The following CADM2 variants were observed in gnomAD, a reference collection of about 807,000 sequenced individuals.
CADM2 encodes the protein immunoglobulin superfamily member 4D.
A neutral mutation model predicts 49.8 loss-of-function variants in CADM2; 12 were observed. The observed-to-expected ratio is 0.24, with a 90% confidence interval of 0.15 to 0.39. The LOEUF (loss-of-function observed/expected upper bound fraction) is 0.39. Among genes scored for constraint, CADM2 ranks in the 10% least tolerant of loss-of-function variants. The pLI is 1.00. For synonymous variants in CADM2, 214 were observed against 175.4 expected (o/e 1.22, Z -1.74); for missense variants, 378 against 492.3 (o/e 0.77, Z 2.20).
chr3:85,255,077 T>A (rs2107871584), intron 1 of CADM2, among the ~76,000 whole-genome samples: 1 of 152,242 alleles, frequency 6.6e-6, no homozygotes, highest in East Asian at 1.9e-4. Flanking sequence ...TTCTAAAATA[T>A]CATTTGCATA....
chr3:85,886,312 G>T lies in CADM2; in HGVS notation c.514G>T (p.Asp172Tyr). 1 of 1,611,418 alleles carries T rather than the reference G, an allele frequency of 6.2e-7. No individual in the cohort carries two copies. The change falls in exon 5 of 10, where the codon GAC becomes TAC. Residue 172 changes from aspartate to tyrosine, a missense_variant. By Grantham distance (160) the Asp-to-Tyr change is radical. Coordinates refer to ENST00000383699, the MANE Select transcript of CADM2 (RefSeq NM_001167675.2). ...AGCTGATATAAGATGGTTCAAAAATGACAAAGAGATTAAAGGTAAAGAATA... is the reference window on the plus strand; with the variant it reads ...AGCTGATATAAGATGGTTCAAAAATTACAAAGAGATTAAAGGTAAAGAATA... The part of the protein sequence containing the change: ...PAADIRWFKN[D>Y]KEIKDVKYLK...
Position 85,749,622 on chromosome 3 carries a change from A to G in CADM2, c.88+23074A>G, listed in dbSNP as rs1235463930. 2.6e-5 allele frequency among the ~76,000 whole-genome samples: 4 copies of G among 152,056 alleles called. No homozygotes were observed. In the East Asian group the frequency reaches 7.7e-4, roughly 29 times the overall value. On this transcript the variant is annotated intron_variant, in intron 2 of 9. Transcript: ENST00000383699. ...GCTGACAGAGAAATCTCTACAGCAA[A>G]CTATAGACAAGTTTTGTGTATTTGT...
At chr3:86,050,761 T>C (rs112457269) in intron 8 of CADM2, among the ~76,000 whole-genome samples, 220 of 152,208 alleles carry the variant, frequency 1.4e-3, no homozygotes, top group African/African-American at 5.2e-3. Flanking sequence ...TGAGTCACAA[T>C]TAGAGGTGGA....
At chr3:85,491,587 T>C (rs2107647472) in intron 1 of CADM2, among the ~76,000 whole-genome samples, 1 of 152,264 alleles carries the variant, frequency 6.6e-6, no homozygotes, top group East Asian at 1.9e-4. Flanking sequence ...AGCATAATTA[T>C]GAGTACTTTG....
intron 2 of CADM2, among the ~76,000 whole-genome samples, chr3:85,731,510 T>G (rs2067927815): frequency 6.6e-6 from 1 of 152,136 alleles, no homozygotes; most frequent in Admixed American, 6.5e-5. Flanking sequence ...CTATTATTAT[T>G]ATTACTATCA....
intron 1 of CADM2, among the ~76,000 whole-genome samples, chr3:85,617,938 T>A (rs116677434): frequency 1.2e-3 from 184 of 152,312 alleles, no homozygotes; most frequent in African/African-American, 4.3e-3. Context: ...TGCCTTTTTT[T>A]AAAATAATAG....
chr3:85,707,004 T>C (rs1040011204), intron 1 of CADM2, among the ~76,000 whole-genome samples: 1 of 152,150 alleles, frequency 6.6e-6, no homozygotes, highest in African/African-American at 2.4e-5. Context: ...TTTCACTCTG[T>C]CACCCAGGCT....
chr3:85,609,570 A>G (rs1207174007), intron 1 of CADM2, among the ~76,000 whole-genome samples: 5 of 152,130 alleles, frequency 3.3e-5, no homozygotes, highest in Admixed American at 2.6e-4. Flanking sequence ...ACTCTGTTGA[A>G]TTAAAAAGCC....
intron 1 of CADM2, among the ~76,000 whole-genome samples, chr3:85,395,019 G>A (rs2034700811): frequency 6.6e-6 from 1 of 151,908 alleles, no homozygotes; most frequent in Non-Finnish European, 1.5e-5. Flanking sequence ...AAAATAAGCA[G>A]TTTTTTGTAA....
At chr3:85,589,231 T>A (rs1186574878) in intron 1 of CADM2, among the ~76,000 whole-genome samples, 1 of 151,996 alleles carries the variant, frequency 6.6e-6, no homozygotes, top group Non-Finnish European at 1.5e-5. Context: ...ACTGCCCAGA[T>A]GTGAGAGTTC....
intron 5 of CADM2, among the ~76,000 whole-genome samples, chr3:85,899,654 A>C (rs1458821795): frequency 6.6e-6 from 1 of 152,108 alleles, no homozygotes; most frequent in African/African-American, 2.4e-5. Flanking sequence ...GAGGTTTTTA[A>C]AAATTTATTA....
At chr3:85,092,947 G>C (rs540076812) in intron 1 of CADM2, among the ~76,000 whole-genome samples, 3 of 152,042 alleles carry the variant, frequency 2.0e-5, no homozygotes, top group African/African-American at 7.2e-5. Context: ...AGGTTTTATT[G>C]TCCTGTTTTA....
intron 4 of CADM2, among the ~76,000 whole-genome samples, chr3:85,884,457 G>A (rs955351768): frequency 1.3e-5 from 2 of 152,072 alleles, no homozygotes; most frequent in Admixed American, 6.6e-5. Context: ...GACAAAATAT[G>A]CCCTCTAAAA....
At chr3:85,937,829 A>T (rs1462833679) in intron 7 of CADM2, among the ~76,000 whole-genome samples, 1 of 152,004 alleles carries the variant, frequency 6.6e-6, no homozygotes, top group Non-Finnish European at 1.5e-5. Flanking sequence ...CTGTAATTTA[A>T]TGTAGTGTGT....
chr3:85,323,577 T>G (rs2044671966), intron 1 of CADM2, among the ~76,000 whole-genome samples: 1 of 152,170 alleles, frequency 6.6e-6, no homozygotes, highest in Admixed American at 6.5e-5. Flanking sequence ...TAACCTTAAA[T>G]ATATGTTCAA....
intron 1 of CADM2, among the ~76,000 whole-genome samples, chr3:84,996,485 A>G (rs2107197367): frequency 6.6e-6 from 1 of 152,188 alleles, no homozygotes; most frequent in African/African-American, 2.4e-5. Context: ...AGGGAAAACT[A>G]AATTCTGACA....
At chr3:85,864,134 A>G (rs894347626) in intron 3 of CADM2, among the ~76,000 whole-genome samples, 1 of 152,160 alleles carries the variant, frequency 6.6e-6, no homozygotes, top group African/African-American at 2.4e-5. Flanking sequence ...TTTTCTTCCA[A>G]GTTTTATAAG....
chr3:85,768,777 T>C (rs1483182699), intron 2 of CADM2, among the ~76,000 whole-genome samples: 6 of 132,628 alleles, frequency 4.5e-5, no homozygotes, highest in African/African-American at 1.1e-4. Flanking sequence ...TACACATATA[T>C]ACATATATAG....
chr3:85,641,854 C>G (rs1460501496), intron 1 of CADM2, among the ~76,000 whole-genome samples: 1 of 151,988 alleles, frequency 6.6e-6, no homozygotes, highest in Non-Finnish European at 1.5e-5. Flanking sequence ...TGGCGTGAAC[C>G]CAGGAGGCAG....
Sources: allele counts gnomAD v4.1 joint callset (sites outside exome capture counted in the v4.1 genomes callset), GRCh38; gene constraint gnomAD v4.1.1; transcripts MANE v1.5; gene names NCBI Gene and HGNC (gene_info 2026-07-23, HGNC 2026-07-21).